ELAVL3: variants seen among roughly 807,000 people sequenced by gnomAD.
The protein encoded by ELAVL3 is ELAV like RNA binding protein 3.
A neutral mutation model predicts 34.2 loss-of-function variants in ELAVL3; 8 were observed. That is an observed-to-expected ratio of 0.23 (90% CI 0.14 to 0.42). The LOEUF (loss-of-function observed/expected upper bound fraction) is 0.42, where lower values mean the gene tolerates loss of function less well. Ranked by LOEUF, ELAVL3 falls within the 10% of genes least tolerant of loss-of-function variation. The pLI is 1.00. For synonymous variants in ELAVL3, 209 were observed against 222.1 expected (o/e 0.94, Z 0.53); for missense variants, 273 against 518.8 (o/e 0.53, Z 4.60).
At chr19:11,477,931 C>G (rs1971293426) in intron 1 of ELAVL3, among the ~76,000 whole-genome samples, 2 of 152,104 alleles carry the variant, frequency 1.3e-5, no homozygotes, top group Admixed American at 1.3e-4. Flanking sequence ...CTCATGTGAT[C>G]CACCCACCTT....
Position 11,454,431 on chromosome 19 carries a change from C to T in ELAVL3, c.*95G>A. The T allele has an allele frequency of 8.2e-7, 1 of 1,223,476 alleles. No homozygotes were observed. Among genetic ancestry groups the T allele is most frequent in the Non-Finnish European group, 1.1e-6 (1 of 902,432 alleles). 75.8% of individuals were successfully genotyped at this position (1,223,476 alleles called of 1,614,324 possible). A position where few individuals can be genotyped will look rare whatever the true frequency, so the allele number is the denominator to read the frequency against. ...CGCGTCGTCCGTGGGGCTGCCTGTG[C>T]TGTCTCTCTTGGGCCCCTTCTCTCT... On this transcript the variant is annotated 3_prime_UTR_variant, in exon 7 of 7. Coordinates refer to ENST00000359227, the MANE Select transcript of ELAVL3 (RefSeq NM_001420.4). The surrounding 1 kb of genome is among the most constrained non-coding windows in gnomAD (Gnocchi z 9.2).
Position 11,466,697 on chromosome 19 carries a change from G to A in ELAVL3, c.140C>T (p.Pro47Leu). The A allele has an allele frequency of 6.2e-7, 1 of 1,614,192 alleles. No individual in the cohort carries two copies. Among genetic ancestry groups the A allele is most frequent in the African/African-American group, 1.3e-5 (1 of 75,036 alleles). ...GAACTCATCCTGGGTCATGTTCTGG[G>A]GCAGGTAGTTGACGATGAGGTTGGT... ...SKTNLIVNYLPQNMTQDEFKS... is the reference protein window; with the variant it reads ...SKTNLIVNYLLQNMTQDEFKS... Residue 47 changes from proline to leucine, a missense_variant, in exon 2 of 7, where the codon CCC becomes CTC. Physicochemically the swap from Pro to Leu is moderately conservative, Grantham distance 98 (BLOSUM62 -3). Around this residue, in one of 4 missense-constraint regions of ELAVL3, gnomAD observed 102 missense variants for 250.1 expected, o/e 0.41. Coordinates refer to ENST00000359227, the MANE Select transcript of ELAVL3 (RefSeq NM_001420.4). The surrounding 1 kb of genome is among the most constrained non-coding windows in gnomAD (Gnocchi z 5.0).
intron 1 of ELAVL3, among the ~76,000 whole-genome samples, chr19:11,470,162 C>A (rs1458966330): frequency 1.3e-5 from 2 of 151,888 alleles, no homozygotes; most frequent in African/African-American, 2.4e-5. Flanking sequence ...CAAGACTAGC[C>A]TGGCCAATAT....
intron 1 of ELAVL3, among the ~76,000 whole-genome samples, chr19:11,473,221 C>G (rs1406990139): frequency 6.6e-6 from 1 of 151,898 alleles, no homozygotes; most frequent in South Asian, 2.1e-4. Flanking sequence ...AAAAATTAGC[C>G]GGGCATGGTG....
intron 3 of ELAVL3, among the ~76,000 whole-genome samples, chr19:11,464,760 TC>T (rs1970985794): frequency 3.2e-5 from 2 of 61,698 alleles, no homozygotes; most frequent in Non-Finnish European, 4.3e-5. Context: ...CACACACACA[TC>T]ACACACACCA....
chr19:11,451,803 G>C lies in ELAVL3; in HGVS notation c.*2723C>G, dbSNP rs564976823. On this transcript the variant is annotated 3_prime_UTR_variant, in exon 7 of 7. Coordinates refer to ENST00000359227, the MANE Select transcript of ELAVL3 (RefSeq NM_001420.4). ...GGTGGCAGGGGCCTAGGCCTCGGTG[G>C]GGGGGGGGTGTGTGGGGAGGTGCCC... 2 of 150,064 alleles carry C rather than the reference G, an allele frequency of 1.3e-5. No individual in the cohort carries two copies. The highest frequency in any genetic ancestry group is 3.0e-5 in the Non-Finnish European group (2 of 67,108). 9.3% of individuals were successfully genotyped at this position (150,064 alleles called of 1,614,324 possible).
chr19:11,456,229 C>T (rs1031681222), intron 6 of ELAVL3, among the ~76,000 whole-genome samples: 2 of 151,672 alleles, frequency 1.3e-5, no homozygotes, highest in East Asian at 1.9e-4. Context: ...CTCAGCCTCC[C>T]GAGTAGCTGG....
At position 11,480,484 on chromosome 19, in the gene ELAVL3, C is replaced by A; in HGVS notation, c.9+116G>T. 8.5e-7 allele frequency: 1 copy of A among 1,171,174 alleles called. No individual in the cohort carries two copies. The allele number at this position is 1,171,174 out of a possible 1,614,324, so 72.5% of individuals were successfully genotyped here. ...CCGAGGCTTGGTCCTACCCCCCCAA[C>A]CCGGGCCTAGCTAGGCCTGGTCCTA... is the stretch of plus-strand genomic sequence containing the variant. On this transcript the variant is annotated intron_variant, in intron 1 of 6. Transcript: ENST00000359227. This position sits in a 1 kb window ranked among gnomAD's most constrained non-coding sequence, Gnocchi z 6.8.
At chr19:11,472,060 C>A (rs1479602722) in intron 1 of ELAVL3, among the ~76,000 whole-genome samples, 1 of 152,156 alleles carries the variant, frequency 6.6e-6, no homozygotes, top group African/African-American at 2.4e-5. Flanking sequence ...AAAACCTGAA[C>A]TGGGCCAGGC....
At chr19:11,457,491 G>T (rs1379047158) in intron 5 of ELAVL3, among the ~76,000 whole-genome samples, 1 of 152,234 alleles carries the variant, frequency 6.6e-6, no homozygotes, top group Non-Finnish European at 1.5e-5. Flanking sequence ...CATTCTCGCA[G>T]CACTTGAGGG....
At chr19:11,474,947 GC>G (rs753459596) in intron 1 of ELAVL3, among the ~76,000 whole-genome samples, 1 of 152,178 alleles carries the variant, frequency 6.6e-6, no homozygotes, top group Non-Finnish European at 1.5e-5. Flanking sequence ...TCCTGCCTCA[GC>G]CTCTGGAGTA....
intron 3 of ELAVL3, among the ~76,000 whole-genome samples, chr19:11,460,486 G>A (rs1281236429): frequency 2.0e-5 from 3 of 151,944 alleles, no homozygotes; most frequent in African/African-American, 7.3e-5. Context: ...TCCTTGGACC[G>A]CAAAACCCTG....
intron 1 of ELAVL3, among the ~76,000 whole-genome samples, chr19:11,476,394 A>G (rs1410525152): frequency 6.6e-6 from 1 of 152,000 alleles, no homozygotes; most frequent in Non-Finnish European, 1.5e-5. Context: ...TTCCAAAAAA[A>G]TTAGCTGAGT....
rs557331764 is a variant in ELAVL3 at position 11,466,792 on chromosome 19, C to G, written c.45G>C (p.Gly15=). 7 of 1,612,176 alleles carry G rather than the reference C, an allele frequency of 4.3e-6. No homozygotes were observed. The South Asian group carries it at 7.7e-5, about 18-fold the overall frequency. ...TGGGCAGGGCCGGGCCGGCCGGGCC[C>G]CCCCCCACCTGAGACTCCATGGCCC... The part of the protein sequence containing the change: ...ILGAMESQVG[G]GPAGPALPNG... The change falls in exon 2 of 7, where the codon GGG becomes GGC. Residue 15 remains glycine (G), a synonymous_variant. Coordinates refer to ENST00000359227, the MANE Select transcript of ELAVL3 (RefSeq NM_001420.4). This position sits in a 1 kb window ranked among gnomAD's most constrained non-coding sequence, Gnocchi z 5.0.
intron 1 of ELAVL3, among the ~76,000 whole-genome samples, chr19:11,467,110 A>G (rs1971069684): frequency 1.3e-5 from 2 of 152,160 alleles, no homozygotes; most frequent in South Asian, 4.1e-4. Context: ...TTTACAAAAT[A>G]AAAAACGCTT....
rs1970819666 is a variant in ELAVL3, at chr19:11,458,609, C to T, written c.336G>A (p.Val112=). ...GLKLQTKTIK[V]SYARPSSASI... Reference sequence around the variant, plus strand: ...ATGCTGAACTGGGTCTGGCATAGGACACCTGGGTGAGGGGGTCAGATGGAC... The same window carrying T: ...ATGCTGAACTGGGTCTGGCATAGGATACCTGGGTGAGGGGGTCAGATGGAC... Residue 112 remains valine (V), a splice_region_variant and synonymous_variant, in exon 4 of 7, where the codon GTG becomes GTA. Transcript: ENST00000359227. This position sits in a 1 kb window ranked among gnomAD's most constrained non-coding sequence, Gnocchi z 7.3. The T allele has an allele frequency of 6.2e-7, 1 of 1,613,630 alleles. No individual in the cohort carries two copies. Among genetic ancestry groups the T allele is most frequent in the Admixed American group, 1.7e-5 (1 of 60,028 alleles).
chr19:11,457,102 A>G lies in ELAVL3; in HGVS notation c.752+8T>C. The G allele has an allele frequency of 6.6e-7, 1 of 1,520,562 alleles. No homozygotes were observed. Among genetic ancestry groups the G allele is most frequent in the Non-Finnish European group, 8.8e-7 (1 of 1,142,080 alleles). 94.2% of individuals were successfully genotyped at this position (1,520,562 alleles called of 1,614,324 possible). On this transcript the variant is annotated splice_region_variant and intron_variant, in intron 6 of 6. Transcript: ENST00000359227. ...GGGGTGGGGACAGTGGGGCGGGGTC[A>G]CTGTTACCTCTTGACGCCGTAGGCC... is the stretch of plus-strand genomic sequence containing the variant.
At chr19:11,473,351 C>T (rs749609455) in intron 1 of ELAVL3, among the ~76,000 whole-genome samples, 9 of 151,724 alleles carry the variant, frequency 5.9e-5, no homozygotes, top group Middle Eastern at 3.2e-3. Flanking sequence ...GGCGACAGAG[C>T]GAGACTCCCT....
chr19:11,480,709 G>A lies in ELAVL3; in HGVS notation c.-101C>T, dbSNP rs1450671369. ...GCTCACGCTGGGGTCCCGCCCGGGC[G>A]GCCTCTGGTGCGGCCGCTGCAGATG... On this transcript the variant is annotated 5_prime_UTR_variant, in exon 1 of 7. Coordinates refer to ENST00000359227, the MANE Select transcript of ELAVL3 (RefSeq NM_001420.4). This position sits in a 1 kb window ranked among gnomAD's most constrained non-coding sequence, Gnocchi z 6.8. 5.0e-6 allele frequency: 6 copies of A among 1,191,810 alleles called. No individual in the cohort carries two copies. Among genetic ancestry groups the A allele is most frequent in the Non-Finnish European group, 6.6e-6 (6 of 905,154 alleles). 73.8% of individuals were successfully genotyped at this position (1,191,810 alleles called of 1,614,324 possible). A position where few individuals can be genotyped will look rare whatever the true frequency, so the allele number is the denominator to read the frequency against.
Sources: allele counts gnomAD v4.1 joint callset (sites outside exome capture counted in the v4.1 genomes callset), GRCh38; gene constraint gnomAD v4.1.1; regional missense constraint gnomAD v4.1.1; non-coding constraint Gnocchi (gnomAD v3.1); transcripts MANE v1.5; gene names NCBI Gene and HGNC (gene_info 2026-07-23, HGNC 2026-07-21).